KCNQ3: variants seen among roughly 807,000 people sequenced by gnomAD.
KCNQ3 encodes the protein potassium voltage-gated channel subfamily Q member 3.
KCNQ3 carries 30 observed loss-of-function variants against 92.5 expected under a neutral mutation model. The observed-to-expected ratio is 0.32, with a 90% CI of 0.24 to 0.44. The LOEUF (loss-of-function observed/expected upper bound fraction) is 0.44, where lower values mean the gene tolerates loss of function less well. Ranked by LOEUF, KCNQ3 falls within the 20% of genes least tolerant of loss-of-function variation. KCNQ3 has a pLI of 1.00. For missense variants in KCNQ3, 913 were observed against 1,140.3 expected (o/e 0.80, Z 2.87); for synonymous variants, 450 against 468.8 (o/e 0.96, Z 0.52).
At chr8:132,305,541 G>C (rs1051963162) in intron 1 of KCNQ3, among the ~76,000 whole-genome samples, 5 of 152,246 alleles carry the variant, frequency 3.3e-5, no homozygotes, top group African/African-American at 1.2e-4. Flanking sequence ...AAGATAACCA[G>C]TGTTCCCTGG....
intron 1 of KCNQ3, among the ~76,000 whole-genome samples, chr8:132,431,862 G>A (rs966841552): frequency 3.3e-4 from 50 of 152,144 alleles, no homozygotes; most frequent in African/African-American, 1.2e-3. Flanking sequence ...CCCCACCCAG[G>A]CACCTGCTGA....
At chr8:132,182,045 CAA>C (rs796189262) in intron 3 of KCNQ3, among the ~76,000 whole-genome samples, 1 of 91,478 alleles carries the variant, frequency 1.1e-5, no homozygotes, top group African/African-American at 3.8e-5. Flanking sequence ...GACTCCGTCT[CAA>C]AAAAAAAAAA....
At chr8:132,264,708 G>A (rs925685334) in intron 1 of KCNQ3, among the ~76,000 whole-genome samples, 2 of 152,176 alleles carry the variant, frequency 1.3e-5, no homozygotes, top group Non-Finnish European at 2.9e-5. Flanking sequence ...CTTTAAATCC[G>A]TGCTCTATCT....
chr8:132,270,341 A>AT (rs1816112767), intron 1 of KCNQ3, among the ~76,000 whole-genome samples: 1 of 152,228 alleles, frequency 6.6e-6, no homozygotes, highest in East Asian at 1.9e-4. Flanking sequence ...ATACGCAGGA[A>AT]GTCCTAGTCA....
intron 1 of KCNQ3, among the ~76,000 whole-genome samples, chr8:132,213,520 G>A (rs550693416): frequency 6.6e-6 from 1 of 152,250 alleles, no homozygotes; most frequent in East Asian, 1.9e-4. Flanking sequence ...AACTTCCCAG[G>A]GTCAGGACCC....
chr8:132,133,125 A>G (rs931488512), intron 13 of KCNQ3, among the ~76,000 whole-genome samples: 2 of 152,190 alleles, frequency 1.3e-5, no homozygotes, highest in African/African-American at 4.8e-5. Context: ...TGAGAATTTC[A>G]TGTAAAAGCT....
chr8:132,434,389 C>A (rs1821339418), intron 1 of KCNQ3, among the ~76,000 whole-genome samples: 1 of 152,142 alleles, frequency 6.6e-6, no homozygotes, highest in African/African-American at 2.4e-5. Flanking sequence ...CACCTGCCTG[C>A]CACTCCTAAC....
intron 11 of KCNQ3, 104 bp from the exon 12 acceptor site, chr8:132,138,120 A>C: frequency 7.4e-7 from 1 of 1,353,960 alleles, no homozygotes; most frequent in African/African-American, 1.4e-5. Context: ...AGAACCAAAG[A>C]TAAAAGAGCT....
chr8:132,184,498 CTGGGGATGGGGG>C, intron 2 of KCNQ3, 131 bp from the exon 3 acceptor site: 1 of 646,856 alleles, frequency 1.5e-6, no homozygotes, highest in Non-Finnish European at 2.6e-6. Flanking sequence ...GCAGGGATGG[CTGGGGATGGGGG>C]TGGGGAAGGG....
chr8:132,449,579 T>C (rs1437565858), intron 1 of KCNQ3, among the ~76,000 whole-genome samples: 1 of 152,148 alleles, frequency 6.6e-6, no homozygotes, highest in African/African-American at 2.4e-5. Context: ...TCTGATGGTA[T>C]TCCCTCTGGA....
intron 1 of KCNQ3, among the ~76,000 whole-genome samples, chr8:132,460,527 A>G (rs1053427339): frequency 5.9e-5 from 9 of 152,286 alleles, no homozygotes; most frequent in African/African-American, 2.2e-4. Context: ...TATGAGAATC[A>G]TTGACCCACA....
chr8:132,171,027 A>T (rs936487224), intron 7 of KCNQ3, among the ~76,000 whole-genome samples: 3 of 152,066 alleles, frequency 2.0e-5, no homozygotes, highest in African/African-American at 7.2e-5. Flanking sequence ...CTCAAAAAAA[A>T]GTAAACAATA....
chr8:132,142,460 A>G (rs2130946652), intron 9 of KCNQ3, among the ~76,000 whole-genome samples: 1 of 152,298 alleles, frequency 6.6e-6, no homozygotes, highest in East Asian at 1.9e-4. Flanking sequence ...ATAGAGTGTG[A>G]CACAGAGCAG....
intron 1 of KCNQ3, among the ~76,000 whole-genome samples, chr8:132,322,113 G>A (rs1316117628): frequency 2.6e-5 from 4 of 152,150 alleles, no homozygotes; most frequent in Non-Finnish European, 4.4e-5. Flanking sequence ...GTCATATGAC[G>A]GGTAGTGGGA....
chr8:132,138,063 G>C, intron 11 of KCNQ3, 47 bp from the exon 12 acceptor site: 1 of 1,596,994 alleles, frequency 6.3e-7, no homozygotes, highest in Middle Eastern at 1.7e-4. Flanking sequence ...TGGAGAGTGC[G>C]GGGAGCTATA....
chr8:132,185,305 G>A (rs1033164546), intron 2 of KCNQ3, among the ~76,000 whole-genome samples: 6 of 152,236 alleles, frequency 3.9e-5, no homozygotes, highest in African/African-American at 1.4e-4. Flanking sequence ...GTGCAGGATG[G>A]GGCCTCACCC....
intron 1 of KCNQ3, among the ~76,000 whole-genome samples, chr8:132,315,698 G>C (rs1817720546): frequency 1.3e-5 from 2 of 151,952 alleles, no homozygotes; most frequent in Admixed American, 6.6e-5. Context: ...CTTCTGCAAG[G>C]GCAATCCACA....
chr8:132,425,183 T>G (rs1162618182), intron 1 of KCNQ3, among the ~76,000 whole-genome samples: 1 of 152,184 alleles, frequency 6.6e-6, no homozygotes, highest in Non-Finnish European at 1.5e-5. Flanking sequence ...CGCCAATACA[T>G]ATAGTCTCAG....
intron 1 of KCNQ3, among the ~76,000 whole-genome samples, chr8:132,419,239 A>G (rs1820902121): frequency 6.6e-6 from 1 of 152,190 alleles, no homozygotes; most frequent in Non-Finnish European, 1.5e-5. Flanking sequence ...CCTTGGCTTA[A>G]CCACAGCACC....
Sources: allele counts gnomAD v4.1 joint callset (sites outside exome capture counted in the v4.1 genomes callset), GRCh38; gene constraint gnomAD v4.1.1; transcripts MANE v1.5; gene names NCBI Gene and HGNC (gene_info 2026-07-23, HGNC 2026-07-21).